Variants in SRGAP1 observed in about 807,000 individuals in gnomAD.
SRGAP1 encodes the protein SLIT-ROBO Rho GTPase-activating protein 1.
In SRGAP1, 43 loss-of-function variants were observed where a neutral mutation model predicts 121.9. The ratio of observed to expected loss-of-function variants is 0.35; its 90% CI spans 0.28 to 0.46. The LOEUF is 0.46. Ranked by LOEUF, SRGAP1 falls within the 20% of genes least tolerant of loss-of-function variation. SRGAP1 has a pLI of 1.00. For synonymous variants in SRGAP1, 447 were observed against 485.4 expected, an observed-to-expected ratio of 0.92 and a Z score of 1.04; for missense variants, 1,102 against 1,350.9, an observed-to-expected ratio of 0.82 and a Z score of 2.89.
At chr12:63,874,316 G>A (rs1899957822) in intron 1 of SRGAP1, among the ~76,000 whole-genome samples, 2 of 151,794 alleles carry the variant, frequency 1.3e-5, no homozygotes, top group African/African-American at 2.4e-5. Context: ...CCATTCTCCT[G>A]CGTCATCCTC....
At chr12:63,929,248 G>T (rs1370326772) in intron 1 of SRGAP1, among the ~76,000 whole-genome samples, 1 of 152,206 alleles carries the variant, frequency 6.6e-6, no homozygotes, top group East Asian at 1.9e-4. Context: ...ACCATTCATT[G>T]TCACCAGGAC....
At chr12:64,089,023 T>A (rs774767961) in intron 11 of SRGAP1, among the ~76,000 whole-genome samples, 1 of 152,232 alleles carries the variant, frequency 6.6e-6, no homozygotes, top group Non-Finnish European at 1.5e-5. Context: ...CTTTGGTATA[T>A]TGGGGACTTT....
chr12:63,952,566 T>C (rs1338753284), intron 1 of SRGAP1, among the ~76,000 whole-genome samples: 1 of 152,124 alleles, frequency 6.6e-6, no homozygotes, highest in Non-Finnish European at 1.5e-5. Context: ...TCCACACCAA[T>C]GAGCCTTCCT....
At chr12:63,918,541 T>TG (rs1395419391) in intron 1 of SRGAP1, among the ~76,000 whole-genome samples, 2 of 152,176 alleles carry the variant, frequency 1.3e-5, no homozygotes, top group Non-Finnish European at 2.9e-5. Context: ...ATCAGTCTCC[T>TG]GAGTAGCTGG....
Position 64,142,412 on chromosome 12 carries a change from C to T in SRGAP1, c.2998C>T (p.Pro1000Ser). The T allele has an allele frequency of 6.2e-7, 1 of 1,614,128 alleles. No homozygotes were observed. The highest frequency in any genetic ancestry group is 8.5e-7 in the Non-Finnish European group (1 of 1,180,038). ...LDTLEQVKNS[P>S]TPATSTESLS... ...TACCCTGGAGCAAGTGAAAAACTCT[C>T]CCACCCCTGCCACTTCCACGGAATC... The change falls in exon 22 of 22, where the codon CCC becomes TCC. Residue 1000 changes from proline to serine, a missense_variant. Around this residue, in one of 3 missense-constraint regions of SRGAP1, gnomAD observed 315 missense variants for 343.1 expected, o/e 0.92. Coordinates refer to ENST00000355086, the MANE Select transcript of SRGAP1 (RefSeq NM_020762.4).
intron 10 of SRGAP1, chr12:64,081,432 T>C (rs909794924): frequency 1.1e-4 from 16 of 151,362 alleles, no homozygotes; most frequent in Admixed American, 7.9e-4. Flanking sequence ...AAGAACCATG[T>C]CTGACACAGT....
At chr12:63,871,945 T>C in intron 1 of SRGAP1, 1 of 1,175,048 alleles carries the variant, frequency 8.5e-7, no homozygotes, top group Non-Finnish European at 1.3e-6. Context: ...TCATAGCACC[T>C]CTTTCCCTGG....
chr12:63,978,203 T>A (rs1302226632), intron 1 of SRGAP1, among the ~76,000 whole-genome samples: 2 of 152,248 alleles, frequency 1.3e-5, no homozygotes, highest in Admixed American at 6.5e-5. Context: ...TCTTTCAATG[T>A]ATATAACAGC....
chr12:63,871,815 A>G, intron 1 of SRGAP1: 1 of 1,372,938 alleles, frequency 7.3e-7, no homozygotes, highest in South Asian at 1.2e-5. Flanking sequence ...AATGGCCAGC[A>G]TCCTCTTGGA....
chr12:64,017,129 TTGAAA>T (rs760841390), intron 4 of SRGAP1, 117 bp downstream of exon 4: 41 of 616,952 alleles, frequency 6.6e-5, no homozygotes, highest in Non-Finnish European at 1.0e-4. Context: ...CCTCATCTGC[TTGAAA>T]TACAGGAACA....
rs74716595 is a variant in SRGAP1 at position 63,904,407 on chromosome 12, A to G, written c.67+59524A>G. 2.0e-5 allele frequency among the ~76,000 whole-genome samples: 3 copies of G among 152,316 alleles called. No individual in the cohort carries two copies. In the East Asian group the frequency reaches 5.8e-4, roughly 29 times the overall value. On this transcript the variant is annotated intron_variant, in intron 1 of 21. Transcript: ENST00000355086. ...CTGTTCTATTGATTGGAATGCGAACATGATGGCAGGAACTGAAGCAGTGTC... is the reference window on the plus strand; with the variant it reads ...CTGTTCTATTGATTGGAATGCGAACGTGATGGCAGGAACTGAAGCAGTGTC...
intron 1 of SRGAP1, among the ~76,000 whole-genome samples, chr12:63,955,449 A>AT (rs1300785425): frequency 1.3e-5 from 2 of 152,202 alleles, no homozygotes; most frequent in South Asian, 4.1e-4. Flanking sequence ...CACACTTATC[A>AT]TTTTTTTGTG....
At chr12:64,017,717 A>G (rs948720694) in intron 4 of SRGAP1, among the ~76,000 whole-genome samples, 6 of 151,562 alleles carry the variant, frequency 4.0e-5, no homozygotes, top group African/African-American at 7.3e-5. Context: ...TTATTCTGGT[A>G]CTTTCTTTTT....
intron 1 of SRGAP1, among the ~76,000 whole-genome samples, chr12:63,980,610 T>C (rs2033220638): frequency 6.6e-6 from 1 of 151,714 alleles, no homozygotes; most frequent in African/African-American, 2.4e-5. Context: ...TTTTTTTTTT[T>C]TGAGATGGAG....
chr12:63,860,301 A>G (rs1422335519), intron 1 of SRGAP1, among the ~76,000 whole-genome samples: 1 of 152,134 alleles, frequency 6.6e-6, no homozygotes, highest in Non-Finnish European at 1.5e-5. Flanking sequence ...GTGAGCCACC[A>G]TGCCCAGCCT....
At chr12:63,861,303 T>TATA (rs528177943) in intron 1 of SRGAP1, among the ~76,000 whole-genome samples, 11,674 of 120,356 alleles carry the variant, frequency 0.097, 680 homozygotes, top group East Asian at 0.29. Context: ...TATATATATA[T>TATA]TTTTTTTTTT....
intron 1 of SRGAP1, among the ~76,000 whole-genome samples, chr12:63,919,213 A>G (rs1348491187): frequency 1.3e-5 from 2 of 151,974 alleles, no homozygotes; most frequent in Non-Finnish European, 2.9e-5. Flanking sequence ...ACACACCACT[A>G]TGCCTGGCTA....
At chr12:63,982,973 G>A (rs948029705) in intron 1 of SRGAP1, 1 of 152,210 alleles carries the variant, frequency 6.6e-6, no homozygotes, top group African/African-American at 2.4e-5. Context: ...AAATGTGTCA[G>A]TAAGGGTATT....
intron 1 of SRGAP1, among the ~76,000 whole-genome samples, chr12:63,863,834 A>G (rs573551941): frequency 3.3e-5 from 5 of 152,356 alleles, no homozygotes; most frequent in Admixed American, 2.6e-4. Flanking sequence ...GAGAGACTCC[A>G]GTGCAGCCAC....
Sources: allele counts gnomAD v4.1 joint callset (sites outside exome capture counted in the v4.1 genomes callset), GRCh38; gene constraint gnomAD v4.1.1; regional missense constraint gnomAD v4.1.1; transcripts MANE v1.5; gene names NCBI Gene and HGNC (gene_info 2026-07-23, HGNC 2026-07-21).